TRHDE: variants seen among roughly 807,000 people sequenced by gnomAD.
The protein encoded by TRHDE is thyrotropin releasing hormone degrading enzyme, also known as thyrotropin-releasing hormone-degrading ectoenzyme.
TRHDE carries 72 observed loss-of-function variants against 125.7 expected under a neutral mutation model. That is an observed-to-expected ratio of 0.57 (90% CI 0.47 to 0.70). TRHDE has a LOEUF of 0.70. Ranked by LOEUF, TRHDE falls within the 30% of genes least tolerant of loss-of-function variation. The pLI is 0.00. For synonymous variants in TRHDE, 509 were observed against 509.1 expected, an observed-to-expected ratio of 1.00 and a Z score of 0.00; for missense variants, 1,110 against 1,327.1, an observed-to-expected ratio of 0.84 and a Z score of 2.54.
chr12:72,179,295 C>T (rs586220), intron 2 of TRHDE, among the ~76,000 whole-genome samples: 1 of 152,026 alleles, frequency 6.6e-6, no homozygotes, highest in East Asian at 1.9e-4. Flanking sequence ...AACATTTTAC[C>T]TGCTTTCTAT....
rs372402372 is a variant in TRHDE, at chr12:72,197,650, CTCTT to C, written n.279+91903_279+91906del. Among the ~76,000 whole-genome samples the C allele has an allele frequency of 1.2e-4, 18 of 152,172 alleles. No individual in the cohort carries two copies. The South Asian group carries it at 3.7e-3, about 32-fold the overall frequency. On this transcript the variant is annotated intron_variant and non_coding_transcript_variant, in intron 2 of 4. Coordinates refer to the TRHDE transcript ENST00000548156. ...TTCCTCTCTAACTTCTTGTGTTCCT[CTCTT>C]TCTTGTTTCTACTTTGAGTTCCTAG...
At chr12:72,278,325 A>T (rs1879566214) in intron 1 of TRHDE, among the ~76,000 whole-genome samples, 1 of 152,052 alleles carries the variant, frequency 6.6e-6, no homozygotes, top group Non-Finnish European at 1.5e-5. Context: ...CATTTTCTTT[A>T]TCCATCCATT....
intron 2 of TRHDE, among the ~76,000 whole-genome samples, chr12:72,149,058 A>G (rs1691950376): frequency 1.3e-5 from 2 of 152,080 alleles, no homozygotes; most frequent in South Asian, 4.2e-4. Flanking sequence ...GCAGTCTTTG[A>G]TTACCTTGTG....
At chr12:72,658,829 T>C (rs991647988) in intron 18 of TRHDE, among the ~76,000 whole-genome samples, 1 of 152,216 alleles carries the variant, frequency 6.6e-6, no homozygotes, top group Non-Finnish European at 1.5e-5. Flanking sequence ...CTCTTCACTC[T>C]GGAGTTATTT....
chr12:72,124,438 G>GA (rs899133755), intron 2 of TRHDE, among the ~76,000 whole-genome samples: 1 of 152,036 alleles, frequency 6.6e-6, no homozygotes, highest in African/African-American at 2.4e-5. Flanking sequence ...GCATAAAAAG[G>GA]AAAAAATAGA....
At chr12:72,350,204 T>C (rs1330536973) in intron 2 of TRHDE, among the ~76,000 whole-genome samples, 1 of 152,046 alleles carries the variant, frequency 6.6e-6, no homozygotes, top group Non-Finnish European at 1.5e-5. Flanking sequence ...TGCTTTATGA[T>C]GTATTCAATC....
chr12:72,253,312 G>T (rs1328750768), intron 2 of TRHDE, among the ~76,000 whole-genome samples: 1 of 151,970 alleles, frequency 6.6e-6, no homozygotes. Context: ...TGCACACAGG[G>T]ACTATTTTAA....
chr12:72,495,181 G>T (rs1173440120), intron 5 of TRHDE, among the ~76,000 whole-genome samples: 1 of 148,108 alleles, frequency 6.8e-6, no homozygotes, highest in Non-Finnish European at 1.5e-5. Flanking sequence ...ATCAACATTG[G>T]TTGAATTTTT....
intron 2 of TRHDE, among the ~76,000 whole-genome samples, chr12:72,127,229 A>T (rs1161015563): frequency 6.6e-6 from 1 of 152,228 alleles, no homozygotes; most frequent in East Asian, 1.9e-4. Flanking sequence ...GAGAATGCTT[A>T]TACACTGTTG....
intron 10 of TRHDE, among the ~76,000 whole-genome samples, chr12:72,569,655 T>G (rs2136020245): frequency 6.6e-6 from 1 of 152,338 alleles, no homozygotes; most frequent in South Asian, 2.1e-4. Flanking sequence ...TACAGTTCCA[T>G]GCAGATGTTT....
chr12:72,410,551 T>A (rs553649990), intron 3 of TRHDE, among the ~76,000 whole-genome samples: 2 of 152,008 alleles, frequency 1.3e-5, no homozygotes, highest in Non-Finnish European at 2.9e-5. Context: ...TCTAGAAATG[T>A]GAAATTAGTT....
chr12:72,133,605 C>A (rs1186839471), intron 2 of TRHDE, among the ~76,000 whole-genome samples: 1 of 152,170 alleles, frequency 6.6e-6, no homozygotes, highest in Admixed American at 6.5e-5. Flanking sequence ...ATTACATTAA[C>A]ATCACAGCAT....
intron 3 of TRHDE, among the ~76,000 whole-genome samples, chr12:72,451,697 A>G (rs1257915915): frequency 6.6e-6 from 1 of 152,170 alleles, no homozygotes; most frequent in Admixed American, 6.6e-5. Flanking sequence ...TTTGACAGGA[A>G]TTACATTGAA....
intron 2 of TRHDE, among the ~76,000 whole-genome samples, chr12:72,185,527 GGA>G (rs1478948860): frequency 6.6e-6 from 1 of 152,270 alleles, no homozygotes; most frequent in East Asian, 1.9e-4. Context: ...GTGGGGACGT[GGA>G]GAGTCTTTAC....
intron 7 of TRHDE, among the ~76,000 whole-genome samples, chr12:72,552,923 C>T (rs1397000221): frequency 6.6e-6 from 1 of 152,140 alleles, no homozygotes; most frequent in Non-Finnish European, 1.5e-5. Flanking sequence ...TGAGAAATAA[C>T]TCCAGGACCT....
intron 12 of TRHDE, among the ~76,000 whole-genome samples, chr12:72,608,851 T>C (rs1216649409): frequency 6.6e-6 from 1 of 152,174 alleles, no homozygotes; most frequent in Non-Finnish European, 1.5e-5. Flanking sequence ...GTGGCAAGAA[T>C]ATCATGGGTG....
At chr12:72,605,915 G>GA (rs34603825) in intron 12 of TRHDE, among the ~76,000 whole-genome samples, 61,327 of 151,874 alleles carry the variant, frequency 0.4, 14,383 homozygotes, top group African/African-American at 0.64. Flanking sequence ...GTTACTAAAT[G>GA]AAAAAAGCCT....
rs574182577 is a variant in TRHDE, at chr12:72,291,210, C to T, written c.1188+4256C>T. Reference sequence around the variant, plus strand: ...TTCTCTCACTCTGAAGACCTGTTAACGAAAGATACAAGCTACCTTACCTCA... The same window carrying T: ...TTCTCTCACTCTGAAGACCTGTTAATGAAAGATACAAGCTACCTTACCTCA... On this transcript the variant is annotated intron_variant, in intron 2 of 18. Transcript: ENST00000261180. Among the ~76,000 whole-genome samples, 16 of 152,252 alleles carry T rather than the reference C, an allele frequency of 1.1e-4. No individual in the cohort carries two copies. The East Asian group carries it at 2.1e-3, about 20-fold the overall frequency.
intron 3 of TRHDE, among the ~76,000 whole-genome samples, chr12:72,421,285 G>A (rs1465732262): frequency 2.0e-5 from 3 of 152,140 alleles, no homozygotes; most frequent in African/African-American, 7.2e-5. Flanking sequence ...CCTAGGGCTG[G>A]AGGTGACTCT....
Sources: gnomAD v4.1 joint callset for allele counts (sites outside exome capture counted in the v4.1 genomes callset) on GRCh38, gnomAD v4.1.1 for gene constraint, MANE v1.5 for transcripts, NCBI Gene and HGNC (gene_info 2026-07-23, HGNC 2026-07-21) for gene names.